Variants in NAV2 observed in about 807,000 individuals in gnomAD.
The protein encoded by NAV2 is neuron navigator 2.
A neutral mutation model predicts 223.2 loss-of-function variants in NAV2; 54 were observed. The ratio of observed to expected loss-of-function variants is 0.24; its 90% CI spans 0.19 to 0.30. The LOEUF is 0.30. NAV2 is among the 10% of genes least tolerant of loss of function. NAV2 has a pLI of 1.00. For synonymous variants in NAV2, 1,279 were observed against 1,239.3 expected, an observed-to-expected ratio of 1.03 and a Z score of -0.67; for missense variants, 2,806 against 3,147.5, an observed-to-expected ratio of 0.89 and a Z score of 2.60.
intron 1 of NAV2, among the ~76,000 whole-genome samples, chr11:19,536,833 C>G (rs1453161332): frequency 1.3e-5 from 2 of 152,160 alleles, no homozygotes; most frequent in Non-Finnish European, 2.9e-5. Context: ...CCATTCTTAC[C>G]ATTCCCAAAA....
intron 3 of NAV2, among the ~76,000 whole-genome samples, chr11:19,863,279 C>T (rs2061894541): frequency 6.6e-6 from 1 of 152,220 alleles, no homozygotes; most frequent in South Asian, 2.1e-4. Flanking sequence ...CAATGTGGCC[C>T]CATCTACTCT....
intron 1 of NAV2, among the ~76,000 whole-genome samples, chr11:19,589,894 T>C (rs1394903335): frequency 6.6e-6 from 1 of 152,128 alleles, no homozygotes; most frequent in Non-Finnish European, 1.5e-5. Context: ...GGAAGAAGCA[T>C]CCAAGAGGGC....
At chr11:19,394,185 T>C (rs376767124) in intron 1 of NAV2, among the ~76,000 whole-genome samples, 4 of 152,204 alleles carry the variant, frequency 2.6e-5, no homozygotes, top group African/African-American at 9.6e-5. Flanking sequence ...CTTAACATCC[T>C]GGATGCTTTT....
chr11:19,874,501 C>T (rs1366957633), intron 4 of NAV2, among the ~76,000 whole-genome samples: 1 of 152,148 alleles, frequency 6.6e-6, no homozygotes, highest in Non-Finnish European at 1.5e-5. Flanking sequence ...TTTCCAAAGC[C>T]TTGGGGAATG....
intron 1 of NAV2, among the ~76,000 whole-genome samples, chr11:19,625,740 C>G (rs745946992): frequency 6.6e-5 from 10 of 152,044 alleles, no homozygotes; most frequent in Non-Finnish European, 1.5e-4. Context: ...TAATGGCCAT[C>G]CTAACTGGGG....
chr11:19,694,023 G>A (rs2049258595), intron 1 of NAV2, among the ~76,000 whole-genome samples: 1 of 152,162 alleles, frequency 6.6e-6, no homozygotes. Flanking sequence ...TTGCCTGTGT[G>A]AGCTAAGCAA....
chr11:19,595,452 CTAT>C (rs1359136581), intron 1 of NAV2, among the ~76,000 whole-genome samples: 3 of 152,288 alleles, frequency 2.0e-5, no homozygotes, highest in Admixed American at 2.0e-4. Context: ...ATGAAATGTT[CTAT>C]TATTATCCCC....
intron 1 of NAV2, among the ~76,000 whole-genome samples, chr11:19,600,582 G>GCT (rs2046326154): frequency 6.6e-6 from 1 of 152,222 alleles, no homozygotes; most frequent in South Asian, 2.1e-4. Flanking sequence ...TCTGGAGCCA[G>GCT]AATAACTGGG....
intron 1 of NAV2, among the ~76,000 whole-genome samples, chr11:19,803,654 T>C (rs191822353): frequency 1.3e-5 from 2 of 152,366 alleles, no homozygotes; most frequent in African/African-American, 4.8e-5. Flanking sequence ...GGGAAGATGC[T>C]TGTGAGAGGA....
chr11:19,968,172 G>GTGT (rs2048926669), intron 10 of NAV2, among the ~76,000 whole-genome samples: 1 of 152,034 alleles, frequency 6.6e-6, no homozygotes, highest in African/African-American at 2.4e-5. Context: ...AACAAATAGG[G>GTGT]TGTTGTTGTT....
intron 1 of NAV2, among the ~76,000 whole-genome samples, chr11:19,828,933 A>G (rs1344732410): frequency 2.6e-5 from 4 of 152,210 alleles, no homozygotes; most frequent in Non-Finnish European, 4.4e-5. Context: ...TTGTGAGTGT[A>G]CCTGATACTT....
intron 11 of NAV2, among the ~76,000 whole-genome samples, chr11:19,992,967 A>T (rs61877344): frequency 1.3e-5 from 2 of 152,108 alleles, no homozygotes; most frequent in African/African-American, 2.4e-5. Flanking sequence ...ATCATTGTTC[A>T]AAGTGTGGAG....
rs1028661182 is a variant in NAV2 at position 19,834,150 on chromosome 11, C to T, written c.385+1549C>T. 5.9e-5 allele frequency among the ~76,000 whole-genome samples: 9 copies of T among 152,224 alleles called. 1 individual carries two copies. The South Asian group carries it at 1.9e-3, about 32-fold the overall frequency. On this transcript the variant is annotated intron_variant, in intron 2 of 37. Coordinates refer to ENST00000349880, the MANE Select transcript of NAV2 (RefSeq NM_145117.5). ...CATTAGGGGTCGCTGTAAAGTCTGT[C>T]TGCCACATTCCTTTTTCCAATTCTT...
chr11:19,586,302 A>T (rs1399530247), intron 1 of NAV2, among the ~76,000 whole-genome samples: 1 of 152,036 alleles, frequency 6.6e-6, no homozygotes, highest in Admixed American at 6.5e-5. Context: ...CAAGGTTTTT[A>T]ACTTCTTTGC....
intron 1 of NAV2, among the ~76,000 whole-genome samples, chr11:19,378,661 T>C (rs1564889808): frequency 1.4e-5 from 2 of 147,494 alleles, no homozygotes; most frequent in Admixed American, 6.7e-5. Context: ...CTCCCTGTCA[T>C]GAAACTGACT....
At chr11:19,472,516 G>T (rs1383259978) in intron 1 of NAV2, among the ~76,000 whole-genome samples, 10 of 152,152 alleles carry the variant, frequency 6.6e-5, no homozygotes, top group Admixed American at 2.6e-4. Flanking sequence ...TGAGCCTGGA[G>T]TAATACAGGG....
chr11:19,418,173 A>G (rs544354964), intron 1 of NAV2, among the ~76,000 whole-genome samples: 49 of 152,340 alleles, frequency 3.2e-4, no homozygotes, highest in African/African-American at 1.1e-3. Context: ...TCTGGCATCA[A>G]GATAGTACAA....
chr11:19,904,009 C>T (rs2153196037), intron 6 of NAV2, among the ~76,000 whole-genome samples: 1 of 152,326 alleles, frequency 6.6e-6, no homozygotes, highest in South Asian at 2.1e-4. Context: ...TCCACCCACT[C>T]ACTTGGGCAG....
intron 1 of NAV2, among the ~76,000 whole-genome samples, chr11:19,779,066 G>A (rs560891846): frequency 9.1e-4 from 138 of 152,306 alleles, no homozygotes; most frequent in African/African-American, 1.1e-3. Flanking sequence ...TCTCCACTCC[G>A]ATATTGCTGC....
Sources: gnomAD v4.1 joint callset for allele counts (sites outside exome capture counted in the v4.1 genomes callset) on GRCh38, gnomAD v4.1.1 for gene constraint, MANE v1.5 for transcripts, NCBI Gene and HGNC (gene_info 2026-07-23, HGNC 2026-07-21) for gene names.